RAP1GAP: variants seen among roughly 807,000 people sequenced by gnomAD.
RAP1GAP encodes the protein RAP1 GTPase activating protein.
Under a neutral mutation model 87.2 loss-of-function variants are expected in RAP1GAP, and 35 were observed. The ratio of observed to expected loss-of-function variants is 0.40; its 90% CI spans 0.31 to 0.53. The LOEUF is 0.53. Among genes scored for constraint, RAP1GAP ranks in the 20% least tolerant of loss-of-function variants. The pLI is 0.48. For synonymous variants in RAP1GAP, 375 were observed against 363.9 expected, an observed-to-expected ratio of 1.03 and a Z score of -0.35; for missense variants, 734 against 898.9, an observed-to-expected ratio of 0.82 and a Z score of 2.35.
intron 1 of RAP1GAP, 121 bp from the exon 2 acceptor site, chr1:21,649,917 C>T: frequency 1.0e-6 from 1 of 995,686 alleles, no homozygotes; most frequent in East Asian, 2.6e-5. Flanking sequence ...GGTCCTGTTT[C>T]TAAGGATGCC....
chr1:21,607,565 C>T (rs1168773647), intron 17 of RAP1GAP, among the ~76,000 whole-genome samples: 2 of 151,256 alleles, frequency 1.3e-5, no homozygotes, highest in African/African-American at 2.4e-5. Flanking sequence ...TATTTCTTTC[C>T]CTCAGTCAAG....
At chr1:21,640,629 C>T (rs1012839221) in intron 2 of RAP1GAP, among the ~76,000 whole-genome samples, 16 of 152,206 alleles carry the variant, frequency 1.1e-4, no homozygotes, top group African/African-American at 3.6e-4. Context: ...GGGGCCAGTG[C>T]CTAGGCTGGC....
At chr1:21,643,801 C>G (rs2095775633) in intron 2 of RAP1GAP, among the ~76,000 whole-genome samples, 1 of 152,188 alleles carries the variant, frequency 6.6e-6, no homozygotes, top group African/African-American at 2.4e-5. Flanking sequence ...ATCTGGGGTT[C>G]AGAGAGGCAG....
At chr1:21,644,115 G>A (rs1022519882) in intron 2 of RAP1GAP, among the ~76,000 whole-genome samples, 6 of 152,170 alleles carry the variant, frequency 3.9e-5, no homozygotes, top group Non-Finnish European at 7.4e-5. Context: ...CAACGCATGT[G>A]GAGGGGATTT....
intron 1 of RAP1GAP, among the ~76,000 whole-genome samples, chr1:21,653,572 C>T (rs561739874): frequency 1.8e-4 from 24 of 131,100 alleles, no homozygotes; most frequent in Non-Finnish European, 3.4e-4. Flanking sequence ...TCCTTCCTTC[C>T]TTCCTTCCTT....
At chr1:21,653,177 G>A (rs1378436147) in intron 1 of RAP1GAP, 1 of 152,110 alleles carries the variant, frequency 6.6e-6, no homozygotes, top group Non-Finnish European at 1.5e-5. Flanking sequence ...TTTTAGACAC[G>A]AAGAAATTGA....
intron 18 of RAP1GAP, among the ~76,000 whole-genome samples, chr1:21,604,970 T>G (rs1570515631): frequency 1.6e-5 from 1 of 63,546 alleles, no homozygotes; most frequent in East Asian, 4.7e-4. Context: ...GGTGGGTGGG[T>G]GGATGGGTAG....
At chr1:21,601,188 TCCCAGCCACC>T (rs1036689396) in intron 20 of RAP1GAP, among the ~76,000 whole-genome samples, 7 of 152,036 alleles carry the variant, frequency 4.6e-5, no homozygotes, top group Non-Finnish European at 7.4e-5. Flanking sequence ...ACGTCACCAC[TCCCAGCCACC>T]CTTCTTTCTG....
At chr1:21,600,613 G>A (rs2067354227) in intron 20 of RAP1GAP, among the ~76,000 whole-genome samples, 1 of 152,178 alleles carries the variant, frequency 6.6e-6, no homozygotes, top group East Asian at 1.9e-4. Flanking sequence ...TAGGCTGGGC[G>A]CAGTGGCTCA....
At chr1:21,623,133 G>A (rs951427130) in intron 3 of RAP1GAP, among the ~76,000 whole-genome samples, 11 of 151,968 alleles carry the variant, frequency 7.2e-5, no homozygotes, top group Non-Finnish European at 1.5e-4. Context: ...CCCTTCCCCC[G>A]CCCTAGCTGC....
chr1:21,612,196 C>T (rs1186132200), intron 10 of RAP1GAP, 87 bp from the exon 11 acceptor site: 8 of 959,890 alleles, frequency 8.3e-6, no homozygotes, highest in Admixed American at 2.1e-5. Context: ...CTGAGCCAGG[C>T]GCTCTACACA....
intron 2 of RAP1GAP, among the ~76,000 whole-genome samples, chr1:21,629,733 A>G (rs1209085057): frequency 6.6e-6 from 1 of 152,206 alleles, no homozygotes; most frequent in Non-Finnish European, 1.5e-5. Flanking sequence ...TGCATAATCT[A>G]ATTTAATCCT....
chr1:21,651,897 G>A, intron 1 of RAP1GAP: 1 of 995,264 alleles, frequency 1.0e-6, no homozygotes, highest in South Asian at 4.5e-5. Flanking sequence ...CCTTGGCAAC[G>A]CGGCCGCCCC....
intron 1 of RAP1GAP, chr1:21,651,407 GT>G (rs1391814214): frequency 1.8e-6 from 1 of 546,956 alleles, no homozygotes; most frequent in Admixed American, 2.0e-5. Flanking sequence ...CATGTGAGCA[GT>G]TGCGCACACA....
intron 17 of RAP1GAP, among the ~76,000 whole-genome samples, 168 bp from the exon 18 acceptor site, chr1:21,606,365 G>C (rs1440094662): frequency 6.6e-6 from 1 of 152,216 alleles, no homozygotes; most frequent in Non-Finnish European, 1.5e-5. Flanking sequence ...AGGGAGGTGG[G>C]GCCAGGCCTC....
At chr1:21,653,606 C>T (rs1337496276) in intron 1 of RAP1GAP, among the ~76,000 whole-genome samples, 1 of 142,986 alleles carries the variant, frequency 7.0e-6, no homozygotes, top group Non-Finnish European at 1.6e-5. Flanking sequence ...CTCCCTCCCT[C>T]CCTCCTTCCT....
chr1:21,664,779 G>T (rs829376), intron 1 of RAP1GAP, among the ~76,000 whole-genome samples: 128,427 of 152,054 alleles, frequency 0.84, 54,472 homozygotes, highest in East Asian at 0.93. Context: ...GAGAAGTATT[G>T]GATGTTTTTA....
intron 1 of RAP1GAP, among the ~76,000 whole-genome samples, chr1:21,659,031 A>G (rs2096984869): frequency 6.8e-6 from 1 of 147,304 alleles, no homozygotes; most frequent in Non-Finnish European, 1.5e-5. Flanking sequence ...CCTCCACCTC[A>G]GTAGCTGGGA....
intron 2 of RAP1GAP, among the ~76,000 whole-genome samples, chr1:21,636,903 GGGAAGGAA>G (rs1338282309): frequency 7.7e-6 from 1 of 129,554 alleles, no homozygotes; most frequent in Non-Finnish European, 1.6e-5. Flanking sequence ...GAAGGAAGGA[GGGAAGGAA>G]GGAAGGGAGG....
Sources: allele counts gnomAD v4.1 joint callset (sites outside exome capture counted in the v4.1 genomes callset), GRCh38; gene constraint gnomAD v4.1.1; transcripts MANE v1.5; gene names NCBI Gene and HGNC (gene_info 2026-07-23, HGNC 2026-07-21).